SGCZ: variants seen among roughly 807,000 people sequenced by gnomAD.
The protein encoded by SGCZ is sarcoglycan zeta, also known as zeta-sarcoglycan.
In SGCZ, 40 loss-of-function variants were observed where a neutral mutation model predicts 41.3. That is an observed-to-expected ratio of 0.97 (90% CI 0.75 to 1.26). The LOEUF is 1.26. Among genes scored for constraint, SGCZ ranks in the 50% most tolerant of loss-of-function variants. The pLI is 0.00. For synonymous variants in SGCZ, 206 were observed against 137.5 expected, an observed-to-expected ratio of 1.50 and a Z score of -3.49; for missense variants, 552 against 369.8, an observed-to-expected ratio of 1.49 and a Z score of -4.04.
chr8:15,094,307 G>T (rs759243556), intron 1 of SGCZ, among the ~76,000 whole-genome samples: 1 of 151,930 alleles, frequency 6.6e-6, no homozygotes, highest in African/African-American at 2.4e-5. Context: ...GCTAATTTTT[G>T]TATCTTTAGT....
At chr8:15,098,956 G>C (rs993073984) in intron 1 of SGCZ, among the ~76,000 whole-genome samples, 3 of 152,172 alleles carry the variant, frequency 2.0e-5, no homozygotes, top group Admixed American at 1.3e-4. Flanking sequence ...TACTCCGGAG[G>C]CTAAGGCAGG....
At chr8:14,570,835 A>C (rs190388575) in intron 1 of SGCZ, among the ~76,000 whole-genome samples, 1 of 152,280 alleles carries the variant, frequency 6.6e-6, no homozygotes, top group Admixed American at 6.5e-5. Context: ...TTATTCCAGT[A>C]TTGTGCAATT....
At chr8:15,152,939 G>C (rs1057272608) in intron 1 of SGCZ, among the ~76,000 whole-genome samples, 3 of 152,278 alleles carry the variant, frequency 2.0e-5, no homozygotes, top group East Asian at 1.9e-4. Flanking sequence ...GTAGAGGAAA[G>C]GGTTTTGCAA....
intron 1 of SGCZ, among the ~76,000 whole-genome samples, chr8:14,971,690 G>T (rs1160808886): frequency 3.0e-5 from 4 of 131,268 alleles, no homozygotes; most frequent in African/African-American, 5.7e-5. Context: ...CTGCTCTGTC[G>T]CCAGGCTGGA....
intron 2 of SGCZ, among the ~76,000 whole-genome samples, chr8:14,471,001 G>T (rs1474057539): frequency 6.6e-6 from 1 of 152,080 alleles, no homozygotes; most frequent in Non-Finnish European, 1.5e-5. Flanking sequence ...GTTAACTGAA[G>T]GAGTGCCATC....
intron 1 of SGCZ, among the ~76,000 whole-genome samples, chr8:14,860,065 T>C (rs1177730842): frequency 6.6e-6 from 1 of 150,816 alleles, no homozygotes; most frequent in Non-Finnish European, 1.5e-5. Flanking sequence ...TTAGGTTCCC[T>C]CTCCACTTTA....
intron 2 of SGCZ, among the ~76,000 whole-genome samples, chr8:14,469,478 T>C (rs1390927190): frequency 6.6e-6 from 1 of 152,064 alleles, no homozygotes; most frequent in East Asian, 1.9e-4. Context: ...GATTATCTGA[T>C]AAATGATTGT....
At chr8:14,451,435 A>G (rs1377661387) in intron 2 of SGCZ, among the ~76,000 whole-genome samples, 26 of 152,162 alleles carry the variant, frequency 1.7e-4, no homozygotes, top group Admixed American at 1.7e-3. Flanking sequence ...CGGTCTCCTT[A>G]TAGTTTACAT....
chr8:14,698,542 C>G (rs1033534691), intron 1 of SGCZ, among the ~76,000 whole-genome samples: 53 of 151,962 alleles, frequency 3.5e-4, no homozygotes, highest in African/African-American at 1.3e-3. Context: ...AGAAATTTAG[C>G]ATGAGACAAA....
At chr8:15,119,132 T>C (rs1274064303) in intron 1 of SGCZ, among the ~76,000 whole-genome samples, 1 of 152,216 alleles carries the variant, frequency 6.6e-6, no homozygotes, top group African/African-American at 2.4e-5. Context: ...TAATGAGCCA[T>C]TTGTTAGACT....
At chr8:14,333,906 G>C (rs143830891) in intron 2 of SGCZ, among the ~76,000 whole-genome samples, 1 of 152,084 alleles carries the variant, frequency 6.6e-6, no homozygotes, top group Non-Finnish European at 1.5e-5. Context: ...AGATGTTTAG[G>C]AAGTCTATGT....
intron 2 of SGCZ, among the ~76,000 whole-genome samples, chr8:14,351,896 T>C (rs1301390977): frequency 1.3e-5 from 2 of 152,122 alleles, no homozygotes; most frequent in Non-Finnish European, 1.5e-5. Context: ...CCCAAACCCA[T>C]GCTTTTTATA....
At chr8:14,973,495 C>T (rs888845625) in intron 1 of SGCZ, among the ~76,000 whole-genome samples, 1 of 152,186 alleles carries the variant, frequency 6.6e-6, no homozygotes, top group Non-Finnish European at 1.5e-5. Context: ...TAAAGCCTCC[C>T]TTGTCCGTTT....
chr8:14,642,845 A>G (rs1407458431), intron 1 of SGCZ, among the ~76,000 whole-genome samples: 1 of 151,544 alleles, frequency 6.6e-6, no homozygotes, highest in African/African-American at 2.4e-5. Flanking sequence ...TCAATTTAAA[A>G]AAGTATTGGA....
chr8:14,222,792 A>ATTTTTTT lies in SGCZ; in HGVS notation c.424+14793_424+14799dup, dbSNP rs775444301. Among the ~76,000 whole-genome samples the ATTTTTTT allele has an allele frequency of 1.8e-4, 9 of 48,896 alleles. 1 individual carries two copies. The highest frequency in any genetic ancestry group is 2.4e-4 in the Non-Finnish European group (7 of 29,186). The allele number at this position is 48,896 out of a possible 152,430, so 32.1% of individuals were successfully genotyped here. A position where few individuals can be genotyped will look rare whatever the true frequency, so the allele number is the denominator to read the frequency against. On this transcript the variant is annotated intron_variant, in intron 4 of 7. Transcript: ENST00000382080. The stretch of plus-strand genomic sequence containing the variant: ...ATTCCACCCTCTCTCAGTCACAGTG[A>ATTTTTTT]TTTTTTTTTTTTTTTTTTTTTTTTT...
Position 15,149,386 on chromosome 8 carries a change from C to G in SGCZ, c.39+88199G>C, listed in dbSNP as rs561079381. On this transcript the variant is annotated intron_variant, in intron 1 of 7. Coordinates refer to ENST00000382080, the MANE Select transcript of SGCZ (RefSeq NM_139167.4). The stretch of plus-strand genomic sequence containing the variant: ...TAACTGGACTTCTTACTGATGTCCC[C>G]ACCAGATAGGACTATGAACTTGATT... Among the ~76,000 whole-genome samples, 206 of 152,176 alleles carry G rather than the reference C, an allele frequency of 1.4e-3. 5 individuals carry two copies. The South Asian group carries it at 0.014, about 11-fold the overall frequency.
chr8:14,555,890 T>C (rs1237645619), intron 1 of SGCZ, among the ~76,000 whole-genome samples: 1 of 152,080 alleles, frequency 6.6e-6, no homozygotes, highest in Non-Finnish European at 1.5e-5. Flanking sequence ...GTTATTTTAG[T>C]TGTATTTCAA....
rs553742007 is a variant in SGCZ, at chr8:15,223,272, C to G, written c.39+14313G>C. On this transcript the variant is annotated intron_variant, in intron 1 of 7. Coordinates refer to ENST00000382080, the MANE Select transcript of SGCZ (RefSeq NM_139167.4). ...CTATCTAAAATGGAAGACTCAGAATCAACTACATGATAGAAAGTTTGCAGT... is the reference window on the plus strand; with the variant it reads ...CTATCTAAAATGGAAGACTCAGAATGAACTACATGATAGAAAGTTTGCAGT... Among the ~76,000 whole-genome samples, 11 of 152,232 alleles carry G rather than the reference C, an allele frequency of 7.2e-5. No homozygotes were observed. The South Asian group carries it at 1.0e-3, about 14-fold the overall frequency.
chr8:14,476,313 C>G (rs1310689175), intron 2 of SGCZ, among the ~76,000 whole-genome samples: 1 of 152,100 alleles, frequency 6.6e-6, no homozygotes, highest in Non-Finnish European at 1.5e-5. Flanking sequence ...AAGATGGGTT[C>G]TCCAGCTTAC....
Sources: gnomAD v4.1 joint callset for allele counts (sites outside exome capture counted in the v4.1 genomes callset) on GRCh38, gnomAD v4.1.1 for gene constraint, MANE v1.5 for transcripts, NCBI Gene and HGNC (gene_info 2026-07-23, HGNC 2026-07-21) for gene names.